Variants in LY75 observed in about 807,000 individuals in gnomAD.
LY75 encodes the protein lymphocyte antigen 75.
Under a neutral mutation model 231.7 loss-of-function variants are expected in LY75, and 185 were observed. That is an observed-to-expected ratio of 0.80 (90% CI 0.71 to 0.90). LY75 has a LOEUF of 0.90. Among genes scored for constraint, LY75 ranks in the 40% least tolerant of loss-of-function variants. The pLI, the probability that LY75 is intolerant of heterozygous loss-of-function variation, is 0.00. For synonymous variants in LY75, 668 were observed against 689.0 expected (o/e 0.97, Z 0.48); for missense variants, 1,947 against 2,050.2 (o/e 0.95, Z 0.97).
intron 3 of LY75, among the ~76,000 whole-genome samples, chr2:159,893,260 CCA>C (rs886243345): frequency 1.3e-5 from 2 of 152,166 alleles, no homozygotes; most frequent in Non-Finnish European, 2.9e-5. Context: ...CTGATGTTGA[CCA>C]ATCAATTATT....
At chr2:159,843,808 A>C (rs1220353921) in intron 23 of LY75, among the ~76,000 whole-genome samples, 1 of 152,178 alleles carries the variant, frequency 6.6e-6, no homozygotes, top group Non-Finnish European at 1.5e-5. Context: ...TTTGAATGTT[A>C]TCTTTACAAA....
intron 28 of LY75, among the ~76,000 whole-genome samples, chr2:159,828,187 C>A (rs1683537059): frequency 1.4e-5 from 2 of 143,344 alleles, no homozygotes; most frequent in Admixed American, 7.0e-5. Context: ...TTATTTATAT[C>A]CAGAAATATA....
intron 13 of LY75, among the ~76,000 whole-genome samples, chr2:159,867,381 C>G (rs556104970): frequency 6.6e-6 from 1 of 152,202 alleles, no homozygotes; most frequent in South Asian, 2.1e-4. Flanking sequence ...TTGGATATCA[C>G]ATTGATCATT....
intron 15 of LY75, among the ~76,000 whole-genome samples, chr2:159,860,036 T>A (rs1410872823): frequency 6.6e-6 from 1 of 152,236 alleles, no homozygotes; most frequent in Non-Finnish European, 1.5e-5. Context: ...CCTACTAGAC[T>A]TTAGTTTTGT....
Position 159,817,256 on chromosome 2 carries a change from A to G in LY75, c.4154-224T>C, listed in dbSNP as rs1316477295. ...AAGGCATAAACATTTTCTTTGATTT[A>G]AGAAGCTCATATATTAGTTGGAGAC... is the stretch of plus-strand genomic sequence containing the variant. On this transcript the variant is annotated intron_variant, in intron 29 of 34. Transcript: ENST00000263636. Among the ~76,000 whole-genome samples, 3 of 152,226 alleles carry G rather than the reference A, an allele frequency of 2.0e-5. No homozygotes were observed. The East Asian group carries it at 5.8e-4, about 29-fold the overall frequency.
Position 159,849,997 on chromosome 2 carries a change from G to A in LY75, c.3133C>T (p.Leu1045=). The A allele has an allele frequency of 6.2e-7, 1 of 1,611,860 alleles. No homozygotes were observed. Among genetic ancestry groups the A allele is most frequent in the South Asian group, 1.1e-5 (1 of 90,590 alleles). Residue 1045 remains leucine, a synonymous_variant, in exon 23 of 35, where the codon CTG becomes TTG. Transcript: ENST00000263636. ...AAACTTACATTTTCTGGTATTCTCA[G>A]CCTCCCACTAACCAATAATGGGTGA... The part of the protein sequence containing the change: ...NFHPLLVSGR[L]RIPENFFEEE...
intron 23 of LY75, among the ~76,000 whole-genome samples, chr2:159,845,764 T>A (rs1475774727): frequency 6.6e-6 from 1 of 151,482 alleles, no homozygotes; most frequent in Non-Finnish European, 1.5e-5. Flanking sequence ...CCCATGGATA[T>A]GAAGGGCTGA....
At chr2:159,875,759 A>C (rs1685248537) in intron 11 of LY75, 116 bp from the exon 12 acceptor site, 1 of 1,259,884 alleles carries the variant, frequency 7.9e-7, no homozygotes, top group Admixed American at 2.6e-5. Context: ...AAAAAAATGG[A>C]ACAAAGAGAG....
rs912801999 is a variant in LY75, at chr2:159,810,625, C to A, written c.4600G>T (p.Glu1534Ter). Residue 1534 changes from glutamate to a stop codon, truncating the protein, a stop_gained, in exon 32 of 35, where the codon GAG becomes TAG. Coordinates refer to ENST00000263636, the MANE Select transcript of LY75 (RefSeq NM_002349.4). LOFTEE classifies it high-confidence loss of function. ...TACTGGATCCACCGTGACCCATTCT[C>A]TTTTGCTGCTGGACATCTTGATGAA... ...TYSSRCPAAK[E>*]NGSRWIQYKG... 2.5e-6 allele frequency: 4 copies of A among 1,614,066 alleles called. No individual in the cohort carries two copies. The highest frequency in any genetic ancestry group is 3.4e-6 in the Non-Finnish European group (4 of 1,179,984).
intron 23 of LY75, among the ~76,000 whole-genome samples, chr2:159,849,561 A>G (rs1277221925): frequency 1.3e-5 from 2 of 152,194 alleles, no homozygotes; most frequent in African/African-American, 4.8e-5. Context: ...AATAAGTGCT[A>G]TGGAATCTGA....
chr2:159,837,104 T>C (rs1683853528), intron 25 of LY75, among the ~76,000 whole-genome samples: 1 of 152,148 alleles, frequency 6.6e-6, no homozygotes, highest in Non-Finnish European at 1.5e-5. Context: ...AAAACAAAAA[T>C]AGAATTACCA....
rs563776157 is a variant in LY75, at chr2:159,871,562, T to C, written c.2117+889A>G. Among the ~76,000 whole-genome samples the C allele has an allele frequency of 1.2e-4, 18 of 152,328 alleles. 1 individual carries two copies. The highest frequency in any genetic ancestry group is 3.6e-4 in the African/African-American group (15 of 41,580). Reference sequence around the variant, plus strand: ...CCTTCCTCCCAGGAAAAGAACATTATAGTCTTAGAGCTGGATAAGTACTAA... The same window carrying C: ...CCTTCCTCCCAGGAAAAGAACATTACAGTCTTAGAGCTGGATAAGTACTAA... On this transcript the variant is annotated intron_variant, in intron 13 of 34. Coordinates refer to ENST00000263636, the MANE Select transcript of LY75 (RefSeq NM_002349.4).
intron 25 of LY75, among the ~76,000 whole-genome samples, chr2:159,837,779 C>T (rs533332638): frequency 1.3e-5 from 2 of 152,194 alleles, no homozygotes; most frequent in East Asian, 3.9e-4. Flanking sequence ...CTTTTATTTC[C>T]TTTCAGGATT....
chr2:159,816,244 T>A (rs959081617), intron 30 of LY75, among the ~76,000 whole-genome samples: 4 of 152,304 alleles, frequency 2.6e-5, no homozygotes, highest in Middle Eastern at 3.4e-3. Context: ...ATTCAAATAG[T>A]GGCACAGATG....
rs752152134 is a variant in LY75 at position 159,878,488 on chromosome 2, T to C, written c.1610A>G (p.Glu537Gly). Residue 537 changes from glutamate to glycine, a missense_variant, in exon 11 of 35, where the codon GAG becomes GGG. By Grantham distance (98) the Glu-to-Gly change is moderately conservative. Coordinates refer to ENST00000263636, the MANE Select transcript of LY75 (RefSeq NM_002349.4). ...CATCAAATCATTTAGGTATTCTTGC[T>C]CAAATCTACAAAAGGAGAATCAAAT... ...NCNLTITSRF[E>G]QEYLNDLMKK... The C allele has an allele frequency of 2.0e-5, 32 of 1,613,790 alleles. No individual in the cohort carries two copies. The South Asian group carries it at 3.4e-4, about 17-fold the overall frequency.
intron 28 of LY75, among the ~76,000 whole-genome samples, chr2:159,821,670 T>A (rs1683298009): frequency 6.6e-6 from 1 of 150,598 alleles, no homozygotes; most frequent in African/African-American, 2.4e-5. Flanking sequence ...TAAGTCTTCA[T>A]AACCCTGGGG....
intron 25 of LY75, among the ~76,000 whole-genome samples, chr2:159,837,762 T>C (rs4644979): frequency 0.37 from 56,059 of 152,048 alleles, 11,290 homozygotes; most frequent in African/African-American, 0.46. Flanking sequence ...GTGGATATTT[T>C]TATCTCCTTT....
intron 23 of LY75, among the ~76,000 whole-genome samples, chr2:159,844,296 T>A (rs970595745): frequency 1.4e-5 from 2 of 138,372 alleles, no homozygotes; most frequent in Non-Finnish European, 3.1e-5. Flanking sequence ...TCTACTAATA[T>A]ATACCACGTA....
intron 17 of LY75, 48 bp downstream of exon 17, chr2:159,854,856 T>C (rs754946464): frequency 1.9e-6 from 3 of 1,607,920 alleles, no homozygotes; most frequent in South Asian, 1.1e-5. Flanking sequence ...AATGCATTAG[T>C]GACAAGGTAA....
Sources: allele counts gnomAD v4.1 joint callset (sites outside exome capture counted in the v4.1 genomes callset), GRCh38; gene constraint gnomAD v4.1.1; transcripts MANE v1.5; gene names NCBI Gene and HGNC (gene_info 2026-07-23, HGNC 2026-07-21).